NEK9: variants seen among roughly 807,000 people sequenced by gnomAD.
NEK9 encodes serine/threonine-protein kinase Nek9.
Under a neutral mutation model 123.4 loss-of-function variants are expected in NEK9, and 75 were observed. The ratio of observed to expected loss-of-function variants is 0.61; its 90% CI spans 0.50 to 0.74. The LOEUF (loss-of-function observed/expected upper bound fraction) is 0.74. Ranked by LOEUF, NEK9 falls within the 30% of genes least tolerant of loss-of-function variation. NEK9 has a pLI of 0.00. For missense variants in NEK9, 952 were observed against 1,214.4 expected, an observed-to-expected ratio of 0.78 and a Z score of 3.21; for synonymous variants, 438 against 458.7, an observed-to-expected ratio of 0.95 and a Z score of 0.58.
chr14:75,119,308 G>A (rs548238463), intron 4 of NEK9, among the ~76,000 whole-genome samples: 1 of 152,048 alleles, frequency 6.6e-6, no homozygotes, highest in East Asian at 1.9e-4. Context: ...GTGAGACCCT[G>A]TCTCAAAAAC....
Position 75,121,036 on chromosome 14 carries a change from C to T in NEK9, c.453+83G>A, listed in dbSNP as rs769537650. ...AACAAAAGGAAAAAAACACTCTTCACTATTGGAAGAGTAAATACAGAACTA... is the reference window on the plus strand; with the variant it reads ...AACAAAAGGAAAAAAACACTCTTCATTATTGGAAGAGTAAATACAGAACTA... On this transcript the variant is annotated intron_variant, in intron 3 of 21. Coordinates refer to ENST00000238616, the MANE Select transcript of NEK9 (RefSeq NM_033116.6). 2.7e-6 allele frequency: 3 copies of T among 1,111,524 alleles called. No homozygotes were observed. The Admixed American group carries it at 5.1e-5, about 19-fold the overall frequency. The allele number at this position is 1,111,524 out of a possible 1,614,324, so 68.9% of individuals were successfully genotyped here.
At chr14:75,121,231 C>A in intron 2 of NEK9, 57 bp from the exon 3 acceptor site, 10 of 1,380,758 alleles carry the variant, frequency 7.2e-6, no homozygotes, top group Non-Finnish European at 1.0e-5. Flanking sequence ...AGCTTGGCTC[C>A]TGTAACAGGT....
intron 6 of NEK9, among the ~76,000 whole-genome samples, chr14:75,115,445 A>G (rs1309142462): frequency 6.6e-6 from 1 of 152,138 alleles, no homozygotes. Context: ...TTCTTCCACC[A>G]TACTATTTAG....
chr14:75,087,417 G>A (rs1250223180), intron 20 of NEK9, among the ~76,000 whole-genome samples, 187 bp from the exon 21 acceptor site: 1 of 152,222 alleles, frequency 6.6e-6, no homozygotes, highest in African/African-American at 2.4e-5. Context: ...GACATAACAT[G>A]GAAAGTGAAC....
At chr14:75,091,558 T>C in intron 18 of NEK9, 80 bp from the exon 19 acceptor site, 1 of 1,238,718 alleles carries the variant, frequency 8.1e-7, no homozygotes, top group African/African-American at 1.5e-5. Context: ...CTACTTACCC[T>C]GGAAAGGTGC....
rs1594839259 is a variant in NEK9, at chr14:75,106,587, T to C, written c.1443A>G (p.Pro481=). The change falls in exon 12 of 22, where the codon CCA becomes CCG. Residue 481 remains proline (P), a synonymous_variant. Coordinates refer to ENST00000238616, the MANE Select transcript of NEK9 (RefSeq NM_033116.6). ...PMQLNFFLSN[P]VEQVSCGDNH... is the part of the protein sequence containing the mutation. ...TATCTCCACAGGAGACCTGCTCCAC[T>C]GGATTGCTGAGGAAGAAGTTCAGCT... 6.2e-7 allele frequency: 1 copy of C among 1,614,092 alleles called. No individual in the cohort carries two copies. The highest frequency in any genetic ancestry group is 8.5e-7 in the Non-Finnish European group (1 of 1,180,012).
In NEK9 at chr14:75,081,831, G is replaced by C. The variant is rs1566634820; in HGVS notation, c.*2733C>G. The C allele has an allele frequency of 6.6e-6, 1 of 152,028 alleles. No homozygotes were observed. The highest frequency in any genetic ancestry group is 1.5e-5 in the Non-Finnish European group (1 of 67,988). 9.4% of individuals were successfully genotyped at this position (152,028 alleles called of 1,614,324 possible). ...GACTGAGGAGGTAGGTACAAGAAAG[G>C]ATCATCCTTCTTTTAGTGGCTCATT... On this transcript the variant is annotated 3_prime_UTR_variant, in exon 22 of 22. Transcript: ENST00000238616. The surrounding 1 kb of genome is among the most constrained non-coding windows in gnomAD (Gnocchi z 4.2).
intron 14 of NEK9, among the ~76,000 whole-genome samples, chr14:75,102,971 C>A (rs571102768): frequency 1.3e-5 from 2 of 151,532 alleles, no homozygotes; most frequent in Non-Finnish European, 2.9e-5. Context: ...CATGTTCTCA[C>A]TCATAGGTGG....
intron 10 of NEK9, among the ~76,000 whole-genome samples, chr14:75,109,445 C>T (rs1894887419): frequency 6.6e-6 from 1 of 151,984 alleles, no homozygotes; most frequent in Non-Finnish European, 1.5e-5. Context: ...TTCAATTTTT[C>T]TCTCCCTCTC....
intron 13 of NEK9, 66 bp from the exon 14 acceptor site, chr14:75,104,063 A>C: frequency 6.8e-7 from 1 of 1,471,756 alleles, no homozygotes; most frequent in East Asian, 2.5e-5. Flanking sequence ...AAAGCTCTCA[A>C]ATTCTTTCAA....
chr14:75,124,414 A>T (rs969524476), intron 1 of NEK9, among the ~76,000 whole-genome samples, 191 bp from the exon 2 acceptor site: 1 of 152,200 alleles, frequency 6.6e-6, no homozygotes, highest in Non-Finnish European at 1.5e-5. Context: ...GGACAGGGGA[A>T]GTAAAGCATT....
chr14:75,084,831 A>C, intron 21 of NEK9, 145 bp from the exon 22 acceptor site: 1 of 957,092 alleles, frequency 1.0e-6, no homozygotes, highest in Non-Finnish European at 1.6e-6. Flanking sequence ...TGAGACGCTC[A>C]TGGCACTATT....
At chr14:75,108,704 G>A (rs572890063) in intron 10 of NEK9, among the ~76,000 whole-genome samples, 54 of 151,396 alleles carry the variant, frequency 3.6e-4, no homozygotes, top group African/African-American at 1.1e-3. Flanking sequence ...ACAGGCATGC[G>A]CCACCACTCT....
In NEK9 at chr14:75,088,481, G is replaced by A. The variant is rs749730754; in HGVS notation, c.2603C>T (p.Ser868Leu). ...PLEHKPQVEA[S>L]SPRLNPAVTC... is the part of the protein sequence containing the mutation. The stretch of plus-strand genomic sequence containing the variant: ...TTCAAAGGCAAAAAGCTCAGTTACC[G>A]AGGCTTCTACTTGGGGTTTGTGTTC... Residue 868 changes from serine to leucine, a missense_variant and splice_region_variant, in exon 20 of 22, where the codon TCG becomes TTG. Ser to Leu is a moderately radical substitution (Grantham distance 145, BLOSUM62 -2). Transcript: ENST00000238616. 9.9e-6 allele frequency: 16 copies of A among 1,612,930 alleles called. No homozygotes were observed. Among genetic ancestry groups the A allele is most frequent in the East Asian group, 8.9e-5 (4 of 44,866 alleles).
At chr14:75,084,773 C>T (rs1893969606) in intron 21 of NEK9, 87 bp from the exon 22 acceptor site, 8 of 1,545,776 alleles carry the variant, frequency 5.2e-6, no homozygotes, top group Admixed American at 5.1e-5. Context: ...ATGCCAACTT[C>T]TAAGGCATTG....
chr14:75,126,572 GACCCTAAGACATAT>G, intron 1 of NEK9, 117 bp downstream of exon 1: 1 of 533,194 alleles, frequency 1.9e-6, no homozygotes, highest in Non-Finnish European at 3.0e-6. Context: ...GAGTGGTGAA[GACCCTAAGACATAT>G]ACCCCGTGGG....
intron 10 of NEK9, among the ~76,000 whole-genome samples, chr14:75,108,846 C>T (rs1173805464): frequency 1.3e-5 from 2 of 152,236 alleles, no homozygotes; most frequent in Admixed American, 6.5e-5. Context: ...TGAGCCACTA[C>T]GCCCAGCCAA....
At position 75,101,011 on chromosome 14, in the gene NEK9, A is replaced by G; in HGVS notation, c.1983T>C (p.Phe661=). The change falls in exon 16 of 22, where the codon TTT becomes TTC. Residue 661 remains phenylalanine, a synonymous_variant. Transcript: ENST00000238616. ...ACTCACCATCAGTGGCAGCAATGGT[A>G]AACTCATCACCGCAGGAGACCCTGA... is the stretch of plus-strand genomic sequence containing the variant. The part of the protein sequence containing the change: ...QVIRVSCGDE[F]TIAATDDNHI... 6.2e-7 allele frequency: 1 copy of G among 1,614,184 alleles called. No homozygotes were observed.
intron 7 of NEK9, 44 bp from the exon 8 acceptor site, chr14:75,113,447 G>C (rs757501119): frequency 6.3e-6 from 9 of 1,427,202 alleles, no homozygotes; most frequent in Admixed American, 1.7e-5. Context: ...ATGGAAATGG[G>C]CGACATCGGA....
Sources: gnomAD v4.1 joint callset for allele counts (sites outside exome capture counted in the v4.1 genomes callset) on GRCh38, gnomAD v4.1.1 for gene constraint, Gnocchi (gnomAD v3.1) non-coding constraint, MANE v1.5 for transcripts, NCBI Gene and HGNC (gene_info 2026-07-23, HGNC 2026-07-21) for gene names.